The following IMMP2L variants were observed in gnomAD, a reference collection of about 807,000 sequenced individuals.
IMMP2L encodes mitochondrial inner membrane protease subunit 2.
In IMMP2L, 18 loss-of-function variants were observed where a neutral mutation model predicts 19.3. That is an observed-to-expected ratio of 0.93 (90% CI 0.64 to 1.38). The LOEUF is 1.38. Among genes scored for constraint, IMMP2L ranks in the 40% most tolerant of loss-of-function variants. The probability of loss-of-function intolerance (pLI) is 0.00; values close to 1 mark genes in which losing one functional copy is unlikely to be tolerated. For missense variants in IMMP2L, 233 were observed against 218.2 expected (o/e 1.07, Z -0.43); for synonymous variants, 76 against 73.0 (o/e 1.04, Z -0.21).
chr7:111,467,874 G>A (rs1268169828), intron 3 of IMMP2L, among the ~76,000 whole-genome samples: 1 of 152,062 alleles, frequency 6.6e-6, no homozygotes, highest in Non-Finnish European at 1.5e-5. Flanking sequence ...CTCTTCCTCA[G>A]AGCATCGATG....
chr7:111,104,614 CT>C (rs1798341166), intron 3 of IMMP2L, among the ~76,000 whole-genome samples: 1 of 151,696 alleles, frequency 6.6e-6, no homozygotes, highest in Non-Finnish European at 1.5e-5. Flanking sequence ...ATTAATCCCC[CT>C]ATCTAGTCTT....
chr7:111,021,517 G>A (rs1470668918), intron 3 of IMMP2L, among the ~76,000 whole-genome samples: 1 of 152,218 alleles, frequency 6.6e-6, no homozygotes, highest in African/African-American at 2.4e-5. Flanking sequence ...GGCAGAAGAT[G>A]AAGGAGTAGC....
At chr7:110,814,678 C>T (rs1350546302) in intron 5 of IMMP2L, among the ~76,000 whole-genome samples, 1 of 147,016 alleles carries the variant, frequency 6.8e-6, no homozygotes, top group Admixed American at 6.8e-5. Context: ...TCTTTTTCAA[C>T]AAAAACAATT....
intron 3 of IMMP2L, among the ~76,000 whole-genome samples, chr7:111,111,299 T>TAAAA (rs751990466): frequency 2.2e-5 from 2 of 92,250 alleles, no homozygotes; most frequent in South Asian, 3.4e-4. Flanking sequence ...GTAGCAGTTG[T>TAAAA]AAAAAAAAAA....
At chr7:111,273,297 C>A (rs547695963) in intron 3 of IMMP2L, among the ~76,000 whole-genome samples, 2 of 151,916 alleles carry the variant, frequency 1.3e-5, no homozygotes, top group South Asian at 4.2e-4. Flanking sequence ...TATATACATA[C>A]CTCAGCAATG....
chr7:110,889,868 G>A (rs1404304749), intron 4 of IMMP2L, among the ~76,000 whole-genome samples: 1 of 152,176 alleles, frequency 6.6e-6, no homozygotes, highest in Non-Finnish European at 1.5e-5. Flanking sequence ...TTATTCTATA[G>A]ATAAAAGTGG....
At chr7:111,255,373 G>A (rs1816590611) in intron 3 of IMMP2L, among the ~76,000 whole-genome samples, 1 of 151,972 alleles carries the variant, frequency 6.6e-6, no homozygotes, top group African/African-American at 2.4e-5. Flanking sequence ...ACAAAAGAAT[G>A]GTGGGAGAGG....
At chr7:110,822,816 G>A (rs374959505) in intron 5 of IMMP2L, among the ~76,000 whole-genome samples, 95 of 152,136 alleles carry the variant, frequency 6.2e-4, no homozygotes, top group Middle Eastern at 6.8e-3. Context: ...ATTTCAAAAT[G>A]TTACTTCTTT....
intron 3 of IMMP2L, among the ~76,000 whole-genome samples, chr7:111,094,515 C>T (rs1370227555): frequency 6.6e-6 from 1 of 152,124 alleles, no homozygotes; most frequent in African/African-American, 2.4e-5. Flanking sequence ...AGTTTAGCTA[C>T]TTATGTATCA....
intron 4 of IMMP2L, among the ~76,000 whole-genome samples, chr7:110,938,437 A>G (rs537193856): frequency 6.6e-6 from 1 of 152,336 alleles, no homozygotes; most frequent in African/African-American, 2.4e-5. Context: ...GCATTTTCTG[A>G]GCTAGACTGG....
Position 110,784,169 on chromosome 7 carries a change from C to T in IMMP2L, c.408+102424G>A, listed in dbSNP as rs757881902. Among the ~76,000 whole-genome samples the T allele has an allele frequency of 5.9e-5, 9 of 151,828 alleles. No homozygotes were observed. In the East Asian group the frequency reaches 7.8e-4, roughly 13 times the overall value. On this transcript the variant is annotated intron_variant, in intron 5 of 5. Coordinates refer to ENST00000405709, the MANE Select transcript of IMMP2L (RefSeq NM_032549.4). ...CATCATTGGTATAATTCCTAACCTC[C>T]GTCAGTGTTACAGTTAGTAATTTAA...
chr7:110,778,782 T>C (rs531671767), intron 5 of IMMP2L, among the ~76,000 whole-genome samples: 86 of 152,082 alleles, frequency 5.7e-4, no homozygotes, highest in African/African-American at 2.0e-3. Context: ...TCTATTTTTT[T>C]TTCCAAATAC....
chr7:111,279,228 T>C (rs897347823), intron 3 of IMMP2L, among the ~76,000 whole-genome samples: 1 of 152,170 alleles, frequency 6.6e-6, no homozygotes, highest in African/African-American at 2.4e-5. Context: ...AAAAGCAAAG[T>C]TGGAACTAAT....
chr7:110,775,249 C>CTG (rs56387151), intron 5 of IMMP2L, among the ~76,000 whole-genome samples: 394 of 146,708 alleles, frequency 2.7e-3, no homozygotes, highest in Middle Eastern at 0.01. Context: ...CTTAAGTCAG[C>CTG]TGTGTGTGTG....
intron 5 of IMMP2L, among the ~76,000 whole-genome samples, chr7:110,742,567 G>C (rs1797055751): frequency 6.6e-6 from 1 of 152,210 alleles, no homozygotes; most frequent in South Asian, 2.1e-4. Flanking sequence ...TGGAGATTGA[G>C]ACCATTCTGG....
chr7:111,016,385 T>A (rs1032702574), intron 3 of IMMP2L, among the ~76,000 whole-genome samples: 2 of 142,378 alleles, frequency 1.4e-5, no homozygotes, highest in African/African-American at 2.6e-5. Flanking sequence ...TTATATGATA[T>A]ATATTTTTAT....
Position 111,123,469 on chromosome 7 carries a change from G to C in IMMP2L, c.240-159904C>G. On this transcript the variant is annotated intron_variant, in intron 3 of 5. Coordinates refer to ENST00000405709, the MANE Select transcript of IMMP2L (RefSeq NM_032549.4). This position sits in a 1 kb window ranked among gnomAD's most constrained non-coding sequence, Gnocchi z 6.4. Reference sequence around the variant, plus strand: ...CACAGAAATACCAGATAACGCCTTGGTTGGACTGGAAAACTTAGAAAGCAT... The same window carrying C: ...CACAGAAATACCAGATAACGCCTTGCTTGGACTGGAAAACTTAGAAAGCAT... 1 of 1,613,818 alleles carries C rather than the reference G, an allele frequency of 6.2e-7. No individual in the cohort carries two copies. Among genetic ancestry groups the C allele is most frequent in the Non-Finnish European group, 8.5e-7 (1 of 1,179,916 alleles).
intron 3 of IMMP2L, among the ~76,000 whole-genome samples, chr7:111,304,204 T>C (rs1302929296): frequency 6.6e-6 from 1 of 152,118 alleles, no homozygotes; most frequent in Admixed American, 6.6e-5. Context: ...ATGAAGATAT[T>C]GTTAACAGAA....
intron 3 of IMMP2L, among the ~76,000 whole-genome samples, chr7:111,327,228 CT>C (rs1468362549): frequency 6.6e-6 from 1 of 151,492 alleles, no homozygotes; most frequent in Non-Finnish European, 1.5e-5. Flanking sequence ...TGGTCAGGGG[CT>C]TGGGAGAGGG....
Sources: gnomAD v4.1 joint callset for allele counts (sites outside exome capture counted in the v4.1 genomes callset) on GRCh38, gnomAD v4.1.1 for gene constraint, Gnocchi (gnomAD v3.1) non-coding constraint, MANE v1.5 for transcripts, NCBI Gene and HGNC (gene_info 2026-07-23, HGNC 2026-07-21) for gene names.